Variants in STAB2 observed in about 807,000 individuals in gnomAD.
The protein encoded by STAB2 is stabilin 2.
In STAB2, 288 loss-of-function variants were observed where a neutral mutation model predicts 338.1. The ratio of observed to expected loss-of-function variants is 0.85; its 90% CI spans 0.77 to 0.94. The LOEUF (loss-of-function observed/expected upper bound fraction) is 0.94. Ranked by LOEUF, STAB2 falls within the 40% of genes least tolerant of loss-of-function variation. STAB2 has a pLI of 0.00. For synonymous variants in STAB2, 1,202 were observed against 1,193.3 expected (o/e 1.01, Z -0.15); for missense variants, 3,141 against 3,210.1 (o/e 0.98, Z 0.52).
intron 42 of STAB2, among the ~76,000 whole-genome samples, chr12:103,715,016 T>C (rs981379352): frequency 6.6e-6 from 1 of 152,260 alleles, no homozygotes; most frequent in Non-Finnish European, 1.5e-5. Context: ...GTCATGTATC[T>C]TGAGTCCCCT....
chr12:103,673,246 T>C (rs1035946523), intron 22 of STAB2, among the ~76,000 whole-genome samples: 1 of 152,168 alleles, frequency 6.6e-6, no homozygotes, highest in East Asian at 1.9e-4. Flanking sequence ...AACCAGGAAG[T>C]AGTTGAAAAT....
chr12:103,672,292 TC>T (rs1875875616), intron 22 of STAB2, among the ~76,000 whole-genome samples: 1 of 152,152 alleles, frequency 6.6e-6, no homozygotes. Context: ...AATTAGATTT[TC>T]ATATTAGAGG....
intron 44 of STAB2, among the ~76,000 whole-genome samples, chr12:103,722,915 C>T (rs924404562): frequency 3.3e-5 from 5 of 152,090 alleles, no homozygotes; most frequent in East Asian, 3.8e-4. Context: ...TAGAAGCAGA[C>T]GTAGTGTCGG....
intron 27 of STAB2, among the ~76,000 whole-genome samples, chr12:103,685,729 A>G (rs1008321736): frequency 2.6e-5 from 4 of 152,152 alleles, no homozygotes; most frequent in Non-Finnish European, 4.4e-5. Context: ...AGAACATTCT[A>G]TCTGTACAGC....
chr12:103,594,112 G>A lies in STAB2; in HGVS notation c.216-283G>A, dbSNP rs114741894. ...AGTTTTAGGTATACTTCTAGCATGT[G>A]CCTAAGCCTTAATATTTATTTCATC... On this transcript the variant is annotated intron_variant, in intron 2 of 68. Coordinates refer to ENST00000388887, the MANE Select transcript of STAB2 (RefSeq NM_017564.10). 4.1e-3 allele frequency among the ~76,000 whole-genome samples: 621 copies of A among 152,264 alleles called. 10 individuals are homozygous for A. Among genetic ancestry groups the A allele is most frequent in the African/African-American group, 0.014 (598 of 41,548 alleles).
intron 58 of STAB2, among the ~76,000 whole-genome samples, 153 bp downstream of exon 58, chr12:103,746,857 T>C (rs1186301259): frequency 1.3e-5 from 2 of 152,130 alleles, no homozygotes; most frequent in Admixed American, 6.5e-5. Flanking sequence ...CTTTAATGGG[T>C]GTGCTCATGC....
At chr12:103,610,853 C>T (rs1957111458) in intron 3 of STAB2, among the ~76,000 whole-genome samples, 1 of 152,196 alleles carries the variant, frequency 6.6e-6, no homozygotes, top group African/African-American at 2.4e-5. Flanking sequence ...CTACACACTG[C>T]TTTAAATGTG....
At chr12:103,659,329 G>C (rs561096387) in intron 15 of STAB2, among the ~76,000 whole-genome samples, 1 of 152,326 alleles carries the variant, frequency 6.6e-6, no homozygotes, top group African/African-American at 2.4e-5. Flanking sequence ...CAGTGACCAA[G>C]GCCAAATGCA....
Position 103,590,902 on chromosome 12 carries a change from A to T in STAB2, c.87A>T (p.Arg29Ser). 2.5e-6 allele frequency: 4 copies of T among 1,614,052 alleles called. No homozygotes were observed. The highest frequency in any genetic ancestry group is 3.4e-6 in the Non-Finnish European group (4 of 1,179,978). The change falls in exon 2 of 69, where the codon AGA becomes AGT. Residue 29 changes from arginine (R) to serine (S), a missense_variant. By Grantham distance (110) the Arg-to-Ser change is moderately radical. Transcript: ENST00000388887. ...TTTTTTTAATATTTACACAGGCAAG[A>T]AGATGTGATAGGAAGTCTCTTCTTA... ...CSPAETTGQA[R>S]RCDRKSLLTI... is the part of the protein sequence containing the mutation.
At chr12:103,725,905 C>G (rs1185088406) in intron 45 of STAB2, among the ~76,000 whole-genome samples, 1 of 152,154 alleles carries the variant, frequency 6.6e-6, no homozygotes, top group Non-Finnish European at 1.5e-5. Context: ...TTTCATAAAT[C>G]AGATGGCGAT....
chr12:103,721,095 A>T (rs528848447), intron 44 of STAB2, among the ~76,000 whole-genome samples: 12 of 151,260 alleles, frequency 7.9e-5, no homozygotes, highest in African/African-American at 3.0e-4. Flanking sequence ...TGCCCTCATG[A>T]ACCTAATGAC....
chr12:103,690,751 T>C (rs1877866966), intron 30 of STAB2, among the ~76,000 whole-genome samples: 1 of 152,216 alleles, frequency 6.6e-6, no homozygotes, highest in African/African-American at 2.4e-5. Context: ...TCCTCTAAAA[T>C]GTGGCCTTCT....
intron 23 of STAB2, among the ~76,000 whole-genome samples, chr12:103,675,442 G>A (rs1876245969): frequency 6.6e-6 from 1 of 152,224 alleles, no homozygotes; most frequent in Admixed American, 6.5e-5. Flanking sequence ...AATATTTTAA[G>A]AGCTGTTGCA....
chr12:103,699,304 G>C, intron 34 of STAB2, 77 bp downstream of exon 34: 4 of 1,517,292 alleles, frequency 2.6e-6, no homozygotes, highest in Non-Finnish European at 3.6e-6. Flanking sequence ...TGAGTGTCTT[G>C]GCTCCTGTCA....
At chr12:103,623,526 G>T (rs572088701) in intron 5 of STAB2, among the ~76,000 whole-genome samples, 2 of 152,072 alleles carry the variant, frequency 1.3e-5, no homozygotes, top group Non-Finnish European at 1.5e-5. Context: ...GACTCGATCC[G>T]CCAATTTCTG....
chr12:103,596,683 G>T (rs1196275173), intron 3 of STAB2, among the ~76,000 whole-genome samples: 5 of 152,050 alleles, frequency 3.3e-5, no homozygotes, highest in Non-Finnish European at 7.4e-5. Flanking sequence ...TTTAACAGTG[G>T]GTAACTCTTA....
At chr12:103,692,954 C>T (rs1878080170) in intron 31 of STAB2, 65 bp downstream of exon 31, 2 of 1,388,556 alleles carry the variant, frequency 1.4e-6, no homozygotes, top group African/African-American at 1.5e-5. Context: ...TCGTCCTATA[C>T]AGCATTTTTT....
intron 19 of STAB2, among the ~76,000 whole-genome samples, chr12:103,667,092 A>G (rs539907556): frequency 6.6e-6 from 1 of 152,370 alleles, no homozygotes; most frequent in South Asian, 2.1e-4. Flanking sequence ...GAAAGAACTT[A>G]CCAATGAGAA....
intron 41 of STAB2, 80 bp from the exon 42 acceptor site, chr12:103,713,563 T>C (rs1880053848): frequency 1.3e-6 from 2 of 1,583,598 alleles, no homozygotes; most frequent in Admixed American, 3.4e-5. Flanking sequence ...GTATGTTCCA[T>C]TTCTCAATGA....
Sources: gnomAD v4.1 joint callset for allele counts (sites outside exome capture counted in the v4.1 genomes callset) on GRCh38, gnomAD v4.1.1 for gene constraint, MANE v1.5 for transcripts, NCBI Gene and HGNC (gene_info 2026-07-23, HGNC 2026-07-21) for gene names.